MACROD1: variants seen among roughly 807,000 people sequenced by gnomAD.
MACROD1 encodes ADP-ribose glycohydrolase MACROD1.
In MACROD1, 31 loss-of-function variants were observed where a neutral mutation model predicts 41.4. The observed-to-expected ratio is 0.75, with a 90% CI of 0.56 to 1.01. The LOEUF (loss-of-function observed/expected upper bound fraction) is 1.01, where lower values mean the gene tolerates loss of function less well. MACROD1 is among the 50% of genes least tolerant of loss of function. MACROD1 has a pLI of 0.00. For synonymous variants in MACROD1, 252 were observed against 203.4 expected, an observed-to-expected ratio of 1.24 and a Z score of -2.03; for missense variants, 473 against 460.0, an observed-to-expected ratio of 1.03 and a Z score of -0.26.
chr11:64,012,695 G>A (rs1943031880), intron 4 of MACROD1, among the ~76,000 whole-genome samples: 1 of 152,092 alleles, frequency 6.6e-6, no homozygotes, highest in African/African-American at 2.4e-5. Flanking sequence ...CACCGCTCCT[G>A]GCCTTAATTT....
At position 63,999,330 on chromosome 11, in the gene MACROD1, C is replaced by T. The variant is rs1317695335; in HGVS notation, c.891+1G>A. ...CACCCTCGCCCGGGCCCAGGACTCA[C>T]CTTGTCCTTGTGCTGCTCCAGCCAC... is the stretch of plus-strand genomic sequence containing the variant. On this transcript the variant is annotated splice_donor_variant, in intron 8 of 10. Transcript: ENST00000255681. LOFTEE classifies it high-confidence loss of function. The T allele has an allele frequency of 1.9e-6, 3 of 1,565,350 alleles. No homozygotes were observed. The highest frequency in any genetic ancestry group is 1.7e-6 in the Non-Finnish European group (2 of 1,161,854).
chr11:64,015,252 C>A lies in MACROD1; in HGVS notation c.547G>T (p.Val183Leu). The part of the protein sequence containing the change: ...ANSSLLGGGG[V>L]DGCIHRAAGP... ...CCACCAAGACAGAAGGTCCACTCAC[C>A]GCCACCGCCTCCGAGCAGGGAGCTG... Residue 183 changes from valine to leucine, a missense_variant and splice_region_variant, in exon 4 of 11, where the codon GTG becomes TTG. Coordinates refer to ENST00000255681, the MANE Select transcript of MACROD1 (RefSeq NM_014067.4). The A allele has an allele frequency of 6.2e-7, 1 of 1,602,830 alleles. No individual in the cohort carries two copies. Among genetic ancestry groups the A allele is most frequent in the Non-Finnish European group, 8.5e-7 (1 of 1,174,868 alleles).
At chr11:64,025,602 GT>G (rs1943213664) in intron 3 of MACROD1, among the ~76,000 whole-genome samples, 1 of 152,106 alleles carries the variant, frequency 6.6e-6, no homozygotes, top group East Asian at 1.9e-4. Context: ...GGTAAGATAG[GT>G]TCTGTGTCTT....
chr11:63,999,195 C>T (rs1201535488), intron 8 of MACROD1, 136 bp downstream of exon 8: 2 of 1,368,892 alleles, frequency 1.5e-6, no homozygotes, highest in African/African-American at 2.9e-5. Flanking sequence ...CCGCCAGGCG[C>T]CCTTGCGCAG....
intron 3 of MACROD1, among the ~76,000 whole-genome samples, chr11:64,016,357 G>C (rs1943081404): frequency 6.6e-6 from 1 of 152,280 alleles, no homozygotes; most frequent in Non-Finnish European, 1.5e-5. Context: ...GTGCCGCCCA[G>C]GCCCAGATGC....
In MACROD1 at chr11:64,010,502, GGTGTTGGTTGGT is replaced by G. The variant is rs559410540; in HGVS notation, c.547+4738_547+4749del. Among the ~76,000 whole-genome samples, 261 of 147,918 alleles carry G rather than the reference GGTGTTGGTTGGT, an allele frequency of 1.8e-3. 7 individuals carry two copies. The East Asian group carries it at 0.041, about 23-fold the overall frequency. Reference sequence around the variant, plus strand: ...GGGTGTTGGCTGGGGTGTTGGTTGGGGTGTTGGTTGGTGTGTTGGTTGGGGCGTTGGCTGGCA... The same window carrying G: ...GGGTGTTGGCTGGGGTGTTGGTTGGGGTGTTGGTTGGGGCGTTGGCTGGCA... On this transcript the variant is annotated intron_variant, in intron 4 of 10. Coordinates refer to ENST00000255681, the MANE Select transcript of MACROD1 (RefSeq NM_014067.4).
At chr11:64,011,103 T>C (rs573056528) in intron 4 of MACROD1, among the ~76,000 whole-genome samples, 4 of 143,698 alleles carry the variant, frequency 2.8e-5, no homozygotes, top group South Asian at 2.3e-4. Flanking sequence ...TTGGTTGGCA[T>C]GTTGGTTGGG....
rs114842554 is a variant in MACROD1 at position 64,089,168 on chromosome 11, G to A, written c.517+62071C>T. On this transcript the variant is annotated intron_variant, in intron 3 of 10. Coordinates refer to ENST00000255681, the MANE Select transcript of MACROD1 (RefSeq NM_014067.4). ...ACCAGCAGCCTTCCAGGCACAGGGC[G>A]GGTCGGGGAGTGATCTGACGGGACA... 4.1e-3 allele frequency among the ~76,000 whole-genome samples: 624 copies of A among 152,338 alleles called. 2 individuals are homozygous for A. Among genetic ancestry groups the A allele is most frequent in the African/African-American group, 0.014 (601 of 41,578 alleles).
chr11:64,142,437 A>G (rs1195020571), intron 3 of MACROD1, among the ~76,000 whole-genome samples: 1 of 152,168 alleles, frequency 6.6e-6, no homozygotes, highest in African/African-American at 2.4e-5. Flanking sequence ...CTACTCTCAC[A>G]TTCCCCATGG....
intron 3 of MACROD1, among the ~76,000 whole-genome samples, chr11:64,140,655 G>C (rs1344175684): frequency 6.6e-6 from 1 of 152,182 alleles, no homozygotes; most frequent in Non-Finnish European, 1.5e-5. Context: ...ACACTGTACT[G>C]AGCATCCTAC....
At chr11:64,098,440 C>G (rs185623766) in intron 3 of MACROD1, among the ~76,000 whole-genome samples, 13 of 152,214 alleles carry the variant, frequency 8.5e-5, no homozygotes, top group Non-Finnish European at 1.6e-4. Flanking sequence ...ATTACTGGAG[C>G]GGTCCTAGCC....
At chr11:64,115,310 C>T (rs760455111) in intron 3 of MACROD1, among the ~76,000 whole-genome samples, 9 of 152,216 alleles carry the variant, frequency 5.9e-5, no homozygotes, top group Middle Eastern at 3.4e-3. Context: ...CAGCCAATTC[C>T]CTCAGAGTAC....
In MACROD1 at chr11:64,013,792, C is replaced by T. The variant is rs1348141464; in HGVS notation, c.547+1460G>A. On this transcript the variant is annotated intron_variant, in intron 4 of 10. Coordinates refer to ENST00000255681, the MANE Select transcript of MACROD1 (RefSeq NM_014067.4). ...GCTCCAGTCATTCCTGTGTCAGAGCCTCCCTCTCCTCCACTTCCAGGCCTT... is the reference window on the plus strand; with the variant it reads ...GCTCCAGTCATTCCTGTGTCAGAGCTTCCCTCTCCTCCACTTCCAGGCCTT... 2.0e-5 allele frequency among the ~76,000 whole-genome samples: 3 copies of T among 152,206 alleles called. No individual in the cohort carries two copies. In the South Asian group the frequency reaches 6.2e-4, roughly 32 times the overall value.
intron 4 of MACROD1, among the ~76,000 whole-genome samples, chr11:64,007,090 G>C (rs922557386): frequency 2.0e-4 from 31 of 152,156 alleles, no homozygotes; most frequent in African/African-American, 7.5e-4. Flanking sequence ...AGCTTTCCTG[G>C]ACTCTCTGGG....
rs1590966879 is a variant in MACROD1 at position 64,146,529 on chromosome 11, A to G, written c.517+4710T>C. ...AGCAAGTGGCCTCAGCTGGCAGCCCACGGGGACAGGGCCCAGGGAGGCCTG... is the reference window on the plus strand; with the variant it reads ...AGCAAGTGGCCTCAGCTGGCAGCCCGCGGGGACAGGGCCCAGGGAGGCCTG... On this transcript the variant is annotated intron_variant, in intron 3 of 10. Coordinates refer to ENST00000255681, the MANE Select transcript of MACROD1 (RefSeq NM_014067.4). This position sits in a 1 kb window ranked among gnomAD's most constrained non-coding sequence, Gnocchi z 4.7. 6.6e-6 allele frequency among the ~76,000 whole-genome samples: 1 copy of G among 152,272 alleles called. No homozygotes were observed. The highest frequency in any genetic ancestry group is 1.9e-4 in the East Asian group (1 of 5,186).
chr11:64,063,355 C>A (rs1227957863), intron 3 of MACROD1, among the ~76,000 whole-genome samples: 1 of 152,148 alleles, frequency 6.6e-6, no homozygotes, highest in African/African-American at 2.4e-5. Context: ...AGGTGCCACA[C>A]ACGTGTCAAC....
At chr11:64,092,480 G>A (rs1158842411) in intron 3 of MACROD1, among the ~76,000 whole-genome samples, 1 of 152,232 alleles carries the variant, frequency 6.6e-6, no homozygotes, top group African/African-American at 2.4e-5. Context: ...GAGGTTGGGT[G>A]TGGCCAGAGG....
At chr11:64,121,698 TG>T (rs1189002437) in intron 3 of MACROD1, among the ~76,000 whole-genome samples, 2 of 152,174 alleles carry the variant, frequency 1.3e-5, no homozygotes, top group Non-Finnish European at 2.9e-5. Flanking sequence ...AACCCCAGCC[TG>T]TCTAAATTCT....
intron 1 of MACROD1, among the ~76,000 whole-genome samples, chr11:64,165,164 C>A (rs1039974251): frequency 2.6e-5 from 4 of 152,200 alleles, no homozygotes; most frequent in Non-Finnish European, 4.4e-5. Flanking sequence ...GACAGGCCAG[C>A]CCAGGAAGGT....
Sources: gnomAD v4.1 joint callset for allele counts (sites outside exome capture counted in the v4.1 genomes callset) on GRCh38, gnomAD v4.1.1 for gene constraint, Gnocchi (gnomAD v3.1) non-coding constraint, MANE v1.5 for transcripts, NCBI Gene and HGNC (gene_info 2026-07-23, HGNC 2026-07-21) for gene names.